ARHGAP40: variants seen among roughly 807,000 people sequenced by gnomAD.
ARHGAP40 encodes the protein Rho GTPase activating protein 40.
A neutral mutation model predicts 73.5 loss-of-function variants in ARHGAP40; 43 were observed. The observed-to-expected ratio is 0.58, with a 90% CI of 0.46 to 0.75. The LOEUF (loss-of-function observed/expected upper bound fraction) is 0.75. Ranked by LOEUF, ARHGAP40 falls within the 30% of genes least tolerant of loss-of-function variation. The pLI, the probability that ARHGAP40 is intolerant of heterozygous loss-of-function variation, is 0.00. For missense variants in ARHGAP40, 734 were observed against 861.8 expected, an observed-to-expected ratio of 0.85 and a Z score of 1.86; for synonymous variants, 300 against 352.8, an observed-to-expected ratio of 0.85 and a Z score of 1.68.
chr20:38,626,115 C>T (rs2088897819), intron 2 of ARHGAP40, among the ~76,000 whole-genome samples: 1 of 152,228 alleles, frequency 6.6e-6, no homozygotes, highest in Non-Finnish European at 1.5e-5. Context: ...TGTTCTGGTT[C>T]CCAAGTGCAG....
At chr20:38,639,107 A>G in intron 8 of ARHGAP40, 120 bp from the exon 9 acceptor site, 3 of 1,059,540 alleles carry the variant, frequency 2.8e-6, no homozygotes, top group Non-Finnish European at 3.8e-6. Context: ...CAACCCCACG[A>G]GGGAGGTGCT....
At position 38,640,301 on chromosome 20, in the gene ARHGAP40, T is replaced by C. The variant is rs566315201; in HGVS notation, c.1279+915T>C. 7.3e-5 allele frequency among the ~76,000 whole-genome samples: 11 copies of C among 151,402 alleles called. No individual in the cohort carries two copies. The South Asian group carries it at 1.7e-3, about 23-fold the overall frequency. ...GCATGATCCTAGCTCACTGCAGCCT[T>C]GAACTCTTGGGTTCAAGTGATTCTC... is the stretch of plus-strand genomic sequence containing the variant. On this transcript the variant is annotated intron_variant, in intron 9 of 14. Coordinates refer to ENST00000373345, the Ensembl canonical transcript of ARHGAP40.
chr20:38,630,902 G>A (rs1186919185), intron 5 of ARHGAP40, among the ~76,000 whole-genome samples: 1 of 152,106 alleles, frequency 6.6e-6, no homozygotes, highest in South Asian at 2.1e-4. Flanking sequence ...CTTTGACCAC[G>A]TGATGATGCA....
intron 1 of ARHGAP40, among the ~76,000 whole-genome samples, chr20:38,612,156 T>C (rs1742574011): frequency 6.6e-6 from 1 of 152,246 alleles, no homozygotes; most frequent in Admixed American, 6.5e-5. Flanking sequence ...TGAGATATTT[T>C]ACATTTTCAA....
At chr20:38,625,686 TG>T (rs1207566824) in intron 2 of ARHGAP40, among the ~76,000 whole-genome samples, 145 of 152,364 alleles carry the variant, frequency 9.5e-4, no homozygotes, top group African/African-American at 3.4e-3. Context: ...CCCAAAGTGC[TG>T]GGATTACAGG....
intron 4 of ARHGAP40, 83 bp from the exon 5 acceptor site, chr20:38,629,419 G>A (rs903308398): frequency 1.7e-5 from 21 of 1,264,780 alleles, no homozygotes; most frequent in Non-Finnish European, 2.1e-5. Flanking sequence ...TAGGACTAAG[G>A]GCCTAAGTCC....
At chr20:38,650,592 AATATG>A (rs1377470720) in exon 15 of ARHGAP40, 1 of 469,032 alleles carries the variant, frequency 2.1e-6, no homozygotes, top group East Asian at 6.9e-5. Context: ...GTCATTTTGT[AATATG>A]ATATAATATG....
At chr20:38,608,732 G>A (rs1340839187) in intron 1 of ARHGAP40, among the ~76,000 whole-genome samples, 1 of 152,176 alleles carries the variant, frequency 6.6e-6, no homozygotes, top group Non-Finnish European at 1.5e-5. Context: ...CACAAATTTA[G>A]TGGCTGAAAC....
At chr20:38,647,581 C>A (rs1231208937) in intron 13 of ARHGAP40, among the ~76,000 whole-genome samples, 1 of 152,056 alleles carries the variant, frequency 6.6e-6, no homozygotes, top group Non-Finnish European at 1.5e-5. Context: ...TGAGTAGAGA[C>A]AGGGTTTTAC....
At chr20:38,648,875 C>T (rs2089071008) in intron 14 of ARHGAP40, among the ~76,000 whole-genome samples, 177 bp downstream of exon 14, 1 of 152,228 alleles carries the variant, frequency 6.6e-6, no homozygotes, top group South Asian at 2.1e-4. Flanking sequence ...AAAGGTTAGC[C>T]TGTGCAAGTC....
intron 1 of ARHGAP40, among the ~76,000 whole-genome samples, chr20:38,606,821 A>T (rs1007233598): frequency 6.6e-6 from 1 of 152,186 alleles, no homozygotes; most frequent in African/African-American, 2.4e-5. Flanking sequence ...ATCTCTCCAG[A>T]CACACCCCCT....
At chr20:38,627,631 TGGG>T (rs1197738376) in intron 3 of ARHGAP40, among the ~76,000 whole-genome samples, 1 of 81,554 alleles carries the variant, frequency 1.2e-5, no homozygotes, top group Middle Eastern at 5.0e-3. Context: ...GTGTGTGTGT[TGGG>T]GTGTGTGTGG....
At chr20:38,630,292 T>G (rs1024532206) in intron 5 of ARHGAP40, among the ~76,000 whole-genome samples, 3 of 151,572 alleles carry the variant, frequency 2.0e-5, no homozygotes, top group Non-Finnish European at 4.4e-5. Context: ...CCATCCCAGC[T>G]CACTGCAGCC....
chr20:38,607,788 A>G (rs949186687), intron 1 of ARHGAP40, among the ~76,000 whole-genome samples: 1 of 152,184 alleles, frequency 6.6e-6, no homozygotes, highest in Admixed American at 6.5e-5. Flanking sequence ...GTGTTTGCCA[A>G]TCTGATAGAG....
At chr20:38,602,481 G>T (rs2088741171) in intron 1 of ARHGAP40, among the ~76,000 whole-genome samples, 2 of 152,128 alleles carry the variant, frequency 1.3e-5, no homozygotes, top group African/African-American at 4.8e-5. Flanking sequence ...GTGGCCGTGT[G>T]GTCACCTCGG....
intron 11 of ARHGAP40, among the ~76,000 whole-genome samples, chr20:38,645,161 T>TC (rs1269308864): frequency 1.3e-5 from 2 of 151,322 alleles, no homozygotes; most frequent in Non-Finnish European, 2.9e-5. Context: ...TTTTTTTTTT[T>TC]CTAAGGGCAG....
intron 1 of ARHGAP40, among the ~76,000 whole-genome samples, chr20:38,614,595 G>A (rs1388329185): frequency 6.6e-6 from 1 of 152,184 alleles, no homozygotes; most frequent in Non-Finnish European, 1.5e-5. Flanking sequence ...CCAAGGTGAC[G>A]GTTTCCATGC....
intron 5 of ARHGAP40, among the ~76,000 whole-genome samples, chr20:38,633,894 G>A (rs1214832609): frequency 1.3e-5 from 2 of 152,242 alleles, no homozygotes; most frequent in Non-Finnish European, 2.9e-5. Flanking sequence ...GAGGAACAAA[G>A]GACCAGAGTA....
intron 1 of ARHGAP40, chr20:38,614,874 G>A (rs916145451): frequency 4.6e-5 from 55 of 1,194,350 alleles, no homozygotes; most frequent in African/African-American, 1.3e-4. Flanking sequence ...CGTCCTGAGC[G>A]TCACATCCCC....
Sources: allele counts gnomAD v4.1 joint callset (sites outside exome capture counted in the v4.1 genomes callset), GRCh38; gene constraint gnomAD v4.1.1; transcripts MANE v1.5; gene names NCBI Gene and HGNC (gene_info 2026-07-23, HGNC 2026-07-21).